The following NADK2 variants were observed in gnomAD, a reference collection of about 807,000 sequenced individuals.
NADK2 encodes the protein NAD kinase 2, mitochondrial, also known as NAD kinase domain-containing protein 1, mitochondrial.
A neutral mutation model predicts 62.1 loss-of-function variants in NADK2; 35 were observed. That is an observed-to-expected ratio of 0.56 (90% CI 0.43 to 0.75). NADK2 has a LOEUF of 0.75. Ranked by LOEUF, NADK2 falls within the 30% of genes least tolerant of loss-of-function variation. The pLI, the probability that NADK2 is intolerant of heterozygous loss-of-function variation, is 0.00. For synonymous variants in NADK2, 205 were observed against 207.9 expected, an observed-to-expected ratio of 0.99 and a Z score of 0.12; for missense variants, 439 against 561.3, an observed-to-expected ratio of 0.78 and a Z score of 2.20.
chr5:36,201,894 A>G (rs942652175), intron 8 of NADK2, among the ~76,000 whole-genome samples: 11 of 152,070 alleles, frequency 7.2e-5, no homozygotes, highest in Non-Finnish European at 1.2e-4. Context: ...ACTTTTCAAA[A>G]TAGTTCTGTC....
In NADK2 at chr5:36,227,386, C is replaced by A. The variant is rs1370201776; in HGVS notation, c.389+91G>T. On this transcript the variant is annotated intron_variant, in intron 2 of 11. Transcript: ENST00000381937. The stretch of plus-strand genomic sequence containing the variant: ...AATGATTTTATAATAACAATCATCA[C>A]TAAAAATCTAAGAATGGGCTGCTAG... 13 of 498,884 alleles carry A rather than the reference C, an allele frequency of 2.6e-5. No individual in the cohort carries two copies. In the East Asian group the frequency reaches 4.8e-4, roughly 18 times the overall value. The allele number at this position is 498,884 out of a possible 1,614,324, so 30.9% of individuals were successfully genotyped here.
intron 8 of NADK2, among the ~76,000 whole-genome samples, chr5:36,204,401 T>C (rs3860801): frequency 0.92 from 140,716 of 152,132 alleles, 65,569 homozygotes; most frequent in Non-Finnish European, 0.98. Flanking sequence ...CCACTTTGCC[T>C]ATTTTTTATG....
chr5:36,241,026 T>TC lies in NADK2; in HGVS notation c.300+472dup, dbSNP rs1345683529. Among the ~76,000 whole-genome samples the TC allele has an allele frequency of 2.0e-5, 3 of 152,080 alleles. No individual in the cohort carries two copies. Among genetic ancestry groups the TC allele is most frequent in the Non-Finnish European group, 4.4e-5 (3 of 67,994 alleles). On this transcript the variant is annotated intron_variant, in intron 1 of 11. Transcript: ENST00000381937. This position sits in a 1 kb window ranked among gnomAD's most constrained non-coding sequence, Gnocchi z 4.9. ...GTGTCCGCGGTTGTTTCGGCCCTTTTCCCCCGGCAGCCCTCAGCGGCGCCC... is the reference window on the plus strand; with the variant it reads ...GTGTCCGCGGTTGTTTCGGCCCTTTTCCCCCCGGCAGCCCTCAGCGGCGCCC...
chr5:36,207,068 A>G lies in NADK2; in HGVS notation c.956+102T>C, dbSNP rs538651249. 8 of 890,364 alleles carry G rather than the reference A, an allele frequency of 9.0e-6. No individual in the cohort carries two copies. The East Asian group carries it at 2.0e-4, about 22-fold the overall frequency. The allele number at this position is 890,364 out of a possible 1,614,324, so 55.2% of individuals were successfully genotyped here. ...AAACTTGGCCTACCTACATAACACCACCAGGACACCTCTTGCATATTACAG... is the reference window on the plus strand; with the variant it reads ...AAACTTGGCCTACCTACATAACACCGCCAGGACACCTCTTGCATATTACAG... On this transcript the variant is annotated intron_variant, in intron 8 of 11. Transcript: ENST00000381937.
intron 5 of NADK2, 108 bp downstream of exon 5, chr5:36,219,488 G>A: frequency 1.1e-6 from 1 of 935,794 alleles, no homozygotes; most frequent in Non-Finnish European, 1.7e-6. Context: ...TGGGATTACA[G>A]GCGTGAGATA....
intron 7 of NADK2, among the ~76,000 whole-genome samples, chr5:36,210,854 C>T (rs979494858): frequency 6.6e-6 from 1 of 152,190 alleles, no homozygotes; most frequent in African/African-American, 2.4e-5. Flanking sequence ...TACTATATTA[C>T]TCTCTTAAAT....
intron 8 of NADK2, among the ~76,000 whole-genome samples, chr5:36,201,869 G>C (rs549685229): frequency 4.6e-5 from 7 of 151,976 alleles, no homozygotes; most frequent in African/African-American, 7.2e-5. Flanking sequence ...ACAAGCATTA[G>C]TACAAACATG....
At chr5:36,199,851 T>C (rs1482686719) in intron 10 of NADK2, among the ~76,000 whole-genome samples, 1 of 152,046 alleles carries the variant, frequency 6.6e-6, no homozygotes, top group East Asian at 1.9e-4. Flanking sequence ...TTAAAAAGAA[T>C]ATTTGAGTGA....
Position 36,207,182 on chromosome 5 carries a change from C to T in NADK2, c.944G>A (p.Gly315Glu). 1 of 1,612,340 alleles carries T rather than the reference C, an allele frequency of 6.2e-7. No homozygotes were observed. Among genetic ancestry groups the T allele is most frequent in the Non-Finnish European group, 8.5e-7 (1 of 1,178,900 alleles). Residue 315 changes from glycine (G) to glutamate (E), a missense_variant, in exon 8 of 12, where the codon GGA becomes GAA. Gly to Glu is a moderately conservative substitution (Grantham distance 98). Transcript: ENST00000381937. ...SSGLNLCTGT[G>E]SKAWSFNINR... The stretch of plus-strand genomic sequence containing the variant: ...CCAAGTTACTCACCAGGCCTTTGAT[C>T]CTGTTCCAGTACACAAATTGAGCCC...
chr5:36,217,179 G>A (rs1022516257), intron 6 of NADK2, among the ~76,000 whole-genome samples: 39 of 152,132 alleles, frequency 2.6e-4, no homozygotes, highest in African/African-American at 9.2e-4. Flanking sequence ...TTTCTCTTGG[G>A]ATATTCTTGC....
intron 1 of NADK2, among the ~76,000 whole-genome samples, chr5:36,239,093 A>T (rs1748013208): frequency 6.6e-6 from 1 of 152,206 alleles, no homozygotes; most frequent in African/African-American, 2.4e-5. Context: ...TTGACAAAAA[A>T]CCAAGTTACC....
At chr5:36,221,871 T>G (rs977758061) in intron 4 of NADK2, 1 of 152,210 alleles carries the variant, frequency 6.6e-6, no homozygotes, top group African/African-American at 2.4e-5. Context: ...GCATCAACAC[T>G]GATGGCAATT....
intron 9 of NADK2, 106 bp downstream of exon 9, chr5:36,201,000 G>A: frequency 1.1e-6 from 1 of 870,036 alleles, no homozygotes; most frequent in Non-Finnish European, 1.9e-6. Context: ...TTAATGCATA[G>A]TATAAGGGTT....
At chr5:36,228,437 T>C (rs1245182895) in intron 1 of NADK2, among the ~76,000 whole-genome samples, 1 of 152,076 alleles carries the variant, frequency 6.6e-6, no homozygotes, top group Non-Finnish European at 1.5e-5. Flanking sequence ...TTTCTTTTCT[T>C]TTTTTTGTTC....
At chr5:36,231,390 T>A (rs980899296) in intron 1 of NADK2, among the ~76,000 whole-genome samples, 3 of 152,220 alleles carry the variant, frequency 2.0e-5, no homozygotes, top group African/African-American at 7.2e-5. Context: ...GTTCATAAAT[T>A]CTTATTCCCA....
At chr5:36,226,643 G>T in intron 2 of NADK2, 80 bp from the exon 3 acceptor site, 1 of 892,740 alleles carries the variant, frequency 1.1e-6, no homozygotes, top group South Asian at 1.5e-5. Context: ...AGAGGCAGAT[G>T]ATTACAATAG....
intron 5 of NADK2, 60 bp from the exon 6 acceptor site, chr5:36,217,944 T>C (rs1747111129): frequency 6.9e-7 from 1 of 1,450,316 alleles, no homozygotes; most frequent in East Asian, 2.5e-5. Flanking sequence ...AGAGTAGACA[T>C]TATAATAATT....
At chr5:36,218,796 CCA>C (rs1242698708) in intron 5 of NADK2, among the ~76,000 whole-genome samples, 1 of 152,162 alleles carries the variant, frequency 6.6e-6, no homozygotes, top group African/African-American at 2.4e-5. Flanking sequence ...AATCCCATCC[CCA>C]CTGCTTAAGA....
chr5:36,217,762 C>T lies in NADK2; in HGVS notation c.767G>A (p.Arg256Lys). The T allele has an allele frequency of 1.2e-6, 2 of 1,613,808 alleles. No individual in the cohort carries two copies. The highest frequency in any genetic ancestry group is 1.1e-5 in the South Asian group (1 of 91,070). Residue 256 changes from arginine (R) to lysine (K), a missense_variant, in exon 6 of 12, where the codon AGA becomes AAA. Arg to Lys is a conservative substitution (Grantham distance 26, BLOSUM62 2). Transcript: ENST00000381937. ...AATCCACCTACTTTCATCATGAGCT[C>T]TTTCAATGTTAAGGGCTCTATTGTG... The part of the protein sequence containing the change: ...NQHNRALNIE[R>K]AHDERSEASG...
Sources: gnomAD v4.1 joint callset for allele counts (sites outside exome capture counted in the v4.1 genomes callset) on GRCh38, gnomAD v4.1.1 for gene constraint, Gnocchi (gnomAD v3.1) non-coding constraint, MANE v1.5 for transcripts, NCBI Gene and HGNC (gene_info 2026-07-23, HGNC 2026-07-21) for gene names.